INO80E: variants seen among roughly 807,000 people sequenced by gnomAD.
The protein encoded by INO80E is coiled-coil domain containing 95.
INO80E carries 20 observed loss-of-function variants against 27.3 expected under a neutral mutation model. That is an observed-to-expected ratio of 0.73 (90% confidence interval 0.51 to 1.06). The LOEUF (loss-of-function observed/expected upper bound fraction) is 1.06. INO80E is among the 50% of genes least tolerant of loss of function. INO80E has a pLI of 0.00. For missense variants in INO80E, 357 were observed against 322.8 expected (o/e 1.11, Z -0.81); for synonymous variants, 167 against 145.9 (o/e 1.14, Z -1.04).
intron 3 of INO80E, 39 bp from the exon 4 acceptor site, chr16:30,000,719 G>T: frequency 6.4e-7 from 1 of 1,554,606 alleles, no homozygotes; most frequent in Admixed American, 1.7e-5. Flanking sequence ...GATGGACTGG[G>T]ATCCCCCCAT....
chr16:30,000,451 G>T (rs750220088), intron 3 of INO80E, among the ~76,000 whole-genome samples: 16 of 152,180 alleles, frequency 1.1e-4, no homozygotes, highest in Non-Finnish European at 1.6e-4. Context: ...GCTCACTGCA[G>T]TCTCAATCTC....
At position 29,996,257 on chromosome 16, in the gene INO80E, C is replaced by G. The variant is rs1167682203; in HGVS notation, c.-54C>G. ...AGTGGAGGCGGGAGCGGCACGGCAG[C>G]CACTGCTTGGGGTAGCGGGAGGGCA... is the stretch of plus-strand genomic sequence containing the variant. On this transcript the variant is annotated 5_prime_UTR_variant, in exon 1 of 7. Transcript: ENST00000563197. The G allele has an allele frequency of 6.6e-7, 1 of 1,513,380 alleles. No individual in the cohort carries two copies. Among genetic ancestry groups the G allele is most frequent in the Non-Finnish European group, 9.0e-7 (1 of 1,113,284 alleles). The allele number at this position is 1,513,380 out of a possible 1,614,324, so 93.7% of individuals were successfully genotyped here.
In INO80E at chr16:30,005,394, C is replaced by G. The variant is rs778990620; in HGVS notation, c.687C>G (p.Asp229Glu). ...TGTTCAGCGATGCAGGTAGCGGGGA[C>G]GATGCCTTGGATGGAGACGATGACC... The part of the protein sequence containing the change: ...RQMFSDAGSG[D>E]DALDGDDDLV... Residue 229 changes from aspartate (D) to glutamate (E), a missense_variant, in exon 7 of 7, where the codon GAC becomes GAG. Coordinates refer to ENST00000563197, the MANE Select transcript of INO80E (RefSeq NM_173618.3). 1 of 1,465,414 alleles carries G rather than the reference C, an allele frequency of 6.8e-7. No individual in the cohort carries two copies. Among genetic ancestry groups the G allele is most frequent in the Non-Finnish European group, 9.2e-7 (1 of 1,091,560 alleles). 90.8% of individuals were successfully genotyped at this position (1,465,414 alleles called of 1,614,324 possible).
At position 30,005,217 on chromosome 16, in the gene INO80E, G is replaced by A. The variant is rs1363980938; in HGVS notation, c.514-4G>A. ...TCCCCCTGTGTTTCTTCCCCCTGCT[G>A]CAGATGGCGGTGGGACCCCCCGACT... is the stretch of plus-strand genomic sequence containing the variant. On this transcript the variant is annotated splice_region_variant and splice_polypyrimidine_tract_variant and intron_variant, in intron 6 of 6. Coordinates refer to ENST00000563197, the MANE Select transcript of INO80E (RefSeq NM_173618.3). The A allele has an allele frequency of 4.2e-6, 6 of 1,429,768 alleles. No individual in the cohort carries two copies. The highest frequency in any genetic ancestry group is 3.0e-5 in the African/African-American group (2 of 66,726). The allele number at this position is 1,429,768 out of a possible 1,614,324, so 88.6% of individuals were successfully genotyped here.
chr16:29,996,435 CG>C, intron 1 of INO80E, 44 bp downstream of exon 1: 1 of 1,557,986 alleles, frequency 6.4e-7, no homozygotes, highest in South Asian at 1.2e-5. Flanking sequence ...AGGCCTGGCG[CG>C]GACAAGATCT....
At chr16:29,996,493 C>T (rs1426088084) in intron 1 of INO80E, 54 bp from the exon 2 acceptor site, 18 of 1,551,350 alleles carry the variant, frequency 1.2e-5, no homozygotes, top group South Asian at 2.4e-5. Flanking sequence ...CCGCTGGTTC[C>T]GGGGCCCTTC....
At chr16:29,996,412 G>A in intron 1 of INO80E, 21 bp downstream of exon 1, 1 of 1,575,698 alleles carries the variant, frequency 6.3e-7, no homozygotes. Flanking sequence ...CCGCGGGAAG[G>A]CTGTGGGGGA....
intron 3 of INO80E, among the ~76,000 whole-genome samples, chr16:29,997,494 G>A (rs960979478): frequency 4.6e-5 from 7 of 151,486 alleles, no homozygotes; most frequent in Non-Finnish European, 1.0e-4. Context: ...AGTGGCCCAC[G>A]CCTGTAATCC....
intron 3 of INO80E, among the ~76,000 whole-genome samples, chr16:30,000,241 C>T (rs982208440): frequency 1.3e-5 from 2 of 151,930 alleles, no homozygotes; most frequent in African/African-American, 4.8e-5. Flanking sequence ...TACGGAGGAA[C>T]CAGAGCGGGC....
At chr16:30,000,631 C>T (rs1487757992) in intron 3 of INO80E, 127 bp from the exon 4 acceptor site, 8 of 717,718 alleles carry the variant, frequency 1.1e-5, no homozygotes, top group South Asian at 1.7e-5. Context: ...TCTCACAGTG[C>T]TGGGATTCCA....
chr16:30,005,146 G>T, intron 6 of INO80E, 75 bp from the exon 7 acceptor site: 1 of 1,404,538 alleles, frequency 7.1e-7, no homozygotes, highest in Non-Finnish European at 9.3e-7. Flanking sequence ...AGCTGCCCTG[G>T]GGGGCAAAGC....
chr16:30,002,088 A>C (rs944011845), intron 6 of INO80E: 8 of 152,796 alleles, frequency 5.2e-5, no homozygotes, highest in Admixed American at 3.3e-4. Context: ...ACACCAGAAA[A>C]GTAGGTACTT....
At chr16:30,004,905 G>A (rs1224105449) in intron 6 of INO80E, among the ~76,000 whole-genome samples, 3 of 152,174 alleles carry the variant, frequency 2.0e-5, no homozygotes, top group Admixed American at 6.5e-5. Context: ...GGCCGACTCC[G>A]CCTCTGGCTT....
chr16:30,005,206 T>C lies in INO80E; in HGVS notation c.514-15T>C, dbSNP rs1331129069. 6.9e-7 allele frequency: 1 copy of C among 1,438,852 alleles called. No individual in the cohort carries two copies. Among genetic ancestry groups the C allele is most frequent in the Admixed American group, 3.2e-5 (1 of 31,644 alleles). The allele number at this position is 1,438,852 out of a possible 1,614,324, so 89.1% of individuals were successfully genotyped here. On this transcript the variant is annotated splice_polypyrimidine_tract_variant and intron_variant, in intron 6 of 6. Transcript: ENST00000563197. ...TCCCTGACTAGTCCCCCTGTGTTTC[T>C]TCCCCCTGCTGCAGATGGCGGTGGG...
chr16:29,998,308 A>G (rs2070216029), intron 3 of INO80E, among the ~76,000 whole-genome samples: 1 of 150,850 alleles, frequency 6.6e-6, no homozygotes, highest in Non-Finnish European at 1.5e-5. Context: ...AAAAAAAAAC[A>G]AAAACCAATC....
chr16:30,002,030 A>G (rs895903611), intron 6 of INO80E: 3 of 154,074 alleles, frequency 1.9e-5, no homozygotes, highest in Admixed American at 6.5e-5. Flanking sequence ...AAAGCAGACC[A>G]GTGCCTGCCC....
Position 29,996,393 on chromosome 16 carries a change from T to C in INO80E, c.81+2T>C. 6.3e-7 allele frequency: 1 copy of C among 1,586,764 alleles called. No homozygotes were observed. The highest frequency in any genetic ancestry group is 8.6e-7 in the Non-Finnish European group (1 of 1,166,062). On this transcript the variant is annotated splice_donor_variant, in intron 1 of 6. Transcript: ENST00000563197. LOFTEE classifies it high-confidence loss of function. ...CGGAAGCTCAAGTTCCTCATCTACGTGAGTGCTGCCGCGGGAAGGCTGTGG... is the reference window on the plus strand; with the variant it reads ...CGGAAGCTCAAGTTCCTCATCTACGCGAGTGCTGCCGCGGGAAGGCTGTGG...
Position 29,996,403 on chromosome 16 carries a change from C to A in INO80E, c.81+12C>A, listed in dbSNP as rs4608357. 2.5e-6 allele frequency: 4 copies of A among 1,580,372 alleles called. No homozygotes were observed. The highest frequency in any genetic ancestry group is 2.3e-5 in the East Asian group (1 of 43,266). On this transcript the variant is annotated intron_variant, in intron 1 of 6. Transcript: ENST00000563197. ...AGTTCCTCATCTACGTGAGTGCTGCCGCGGGAAGGCTGTGGGGGATGAGGC... is the reference window on the plus strand; with the variant it reads ...AGTTCCTCATCTACGTGAGTGCTGCAGCGGGAAGGCTGTGGGGGATGAGGC...
rs142826677 is a variant in INO80E at position 30,000,825 on chromosome 16, G to A, written c.273G>A (p.Pro91=). ...GGACACCCAAGTTGTCTGACACACC[G>A]GCCCCTAAGAGGTGAGAAGAAGATG... The part of the protein sequence containing the change: ...TEGTPKLSDT[P]APKRKRSPPL... Residue 91 remains proline, a synonymous_variant, in exon 4 of 7, where the codon CCG becomes CCA. Coordinates refer to ENST00000563197, the MANE Select transcript of INO80E (RefSeq NM_173618.3). 4.7e-4 allele frequency: 763 copies of A among 1,614,122 alleles called. 1 individual carries two copies. Among genetic ancestry groups the A allele is most frequent in the Non-Finnish European group, 1.9e-4 (228 of 1,179,950 alleles).
Sources: gnomAD v4.1 joint callset for allele counts (sites outside exome capture counted in the v4.1 genomes callset) on GRCh38, gnomAD v4.1.1 for gene constraint, MANE v1.5 for transcripts, NCBI Gene and HGNC (gene_info 2026-07-23, HGNC 2026-07-21) for gene names.